CAMTA1: variants seen among roughly 807,000 people sequenced by gnomAD.
CAMTA1 encodes the protein calmodulin binding transcription activator 1, also known as calmodulin-binding transcription activator 1.
In CAMTA1, 27 loss-of-function variants were observed where a neutral mutation model predicts 170.9. The ratio of observed to expected loss-of-function variants is 0.16; its 90% CI spans 0.12 to 0.22. The LOEUF is 0.22. Ranked by LOEUF, CAMTA1 falls within the 10% of genes least tolerant of loss-of-function variation. The probability of loss-of-function intolerance (pLI) is 1.00; values close to 1 mark genes in which losing one functional copy is unlikely to be tolerated. For missense variants in CAMTA1, 1,619 were observed against 2,217.2 expected, an observed-to-expected ratio of 0.73 and a Z score of 5.42; for synonymous variants, 833 against 891.5, an observed-to-expected ratio of 0.93 and a Z score of 1.17.
intron 11 of CAMTA1, among the ~76,000 whole-genome samples, chr1:7,701,614 C>A (rs2096441271): frequency 6.6e-6 from 1 of 151,980 alleles, no homozygotes; most frequent in South Asian, 2.1e-4. Context: ...GAGAGGAGAT[C>A]TCACCATGTT....
intron 5 of CAMTA1, among the ~76,000 whole-genome samples, chr1:7,366,259 A>G (rs1407390733): frequency 6.6e-6 from 1 of 151,984 alleles, no homozygotes; most frequent in Admixed American, 6.5e-5. Flanking sequence ...TGCCAATCAC[A>G]CCCTGCTCAG....
At chr1:6,915,754 T>A (rs1480162098) in intron 3 of CAMTA1, among the ~76,000 whole-genome samples, 1 of 152,160 alleles carries the variant, frequency 6.6e-6, no homozygotes, top group Non-Finnish European at 1.5e-5. Context: ...ATGGAGTCAG[T>A]AGCATTCATG....
rs182448452 is a variant in CAMTA1, at chr1:6,841,886, T to C, written c.234+16676T>C. ...CGCCTGGGTCAGTGGACAGGATCCTTGTCAGCAGCCACTACAGGGCCCGCA... is the reference window on the plus strand; with the variant it reads ...CGCCTGGGTCAGTGGACAGGATCCTCGTCAGCAGCCACTACAGGGCCCGCA... On this transcript the variant is annotated intron_variant, in intron 3 of 22. Transcript: ENST00000303635. Among the ~76,000 whole-genome samples the C allele has an allele frequency of 1.4e-4, 22 of 152,326 alleles. No homozygotes were observed. In the East Asian group the frequency reaches 3.5e-3, roughly 24 times the overall value.
intron 3 of CAMTA1, among the ~76,000 whole-genome samples, chr1:7,000,255 C>A (rs143205153): frequency 4.6e-5 from 7 of 152,234 alleles, no homozygotes; most frequent in Admixed American, 3.3e-4. Flanking sequence ...CAGCCCCCTG[C>A]GTGGGGAGGA....
chr1:7,222,746 C>T (rs1661020900), intron 4 of CAMTA1, among the ~76,000 whole-genome samples: 1 of 152,260 alleles, frequency 6.6e-6, no homozygotes, highest in African/African-American at 2.4e-5. Context: ...GTCCCTGGGC[C>T]AGAGGATGCC....
intron 5 of CAMTA1, among the ~76,000 whole-genome samples, chr1:7,352,927 G>T (rs2084798227): frequency 1.3e-5 from 2 of 152,230 alleles, no homozygotes; most frequent in African/African-American, 4.8e-5. Flanking sequence ...GGCCTACGGT[G>T]CCTCCTCCTT....
intron 5 of CAMTA1, among the ~76,000 whole-genome samples, chr1:7,310,647 T>TCTTTCTTTCTTTCTTTCTTTTC (rs61161982): frequency 4.1e-5 from 2 of 49,148 alleles, no homozygotes; most frequent in African/African-American, 1.6e-4. Context: ...TTTCTTTCTT[T>TCTTTCTTTCTTTCTTTCTTTTC]TTTCTTTCTT....
At chr1:7,094,025 G>T (rs913226661) in intron 4 of CAMTA1, among the ~76,000 whole-genome samples, 6 of 152,220 alleles carry the variant, frequency 3.9e-5, no homozygotes, top group Admixed American at 2.0e-4. Context: ...CTGTGGGGCA[G>T]TCCCCAACCT....
intron 4 of CAMTA1, among the ~76,000 whole-genome samples, chr1:7,143,152 A>G (rs1645983860): frequency 6.6e-6 from 1 of 152,106 alleles, no homozygotes; most frequent in Non-Finnish European, 1.5e-5. Context: ...TGCAGCTCCC[A>G]TGGTGGAAGG....
At chr1:7,677,480 G>T (rs891868636) in intron 10 of CAMTA1, 119 bp from the exon 11 acceptor site, 15 of 1,154,280 alleles carry the variant, frequency 1.3e-5, no homozygotes, top group Non-Finnish European at 1.8e-5. Context: ...TACCATTAAG[G>T]AGAGCTGGAC....
Position 7,736,272 on chromosome 1 carries a change from C to T in CAMTA1, c.3067-72C>T. 3 of 1,248,504 alleles carry T rather than the reference C, an allele frequency of 2.4e-6. No individual in the cohort carries two copies. The South Asian group carries it at 3.9e-5, about 16-fold the overall frequency. 77.3% of individuals were successfully genotyped at this position (1,248,504 alleles called of 1,614,324 possible). On this transcript the variant is annotated intron_variant, in intron 12 of 22. Coordinates refer to ENST00000303635, the MANE Select transcript of CAMTA1 (RefSeq NM_015215.4). The surrounding 1 kb of genome is among the most constrained non-coding windows in gnomAD (Gnocchi z 4.5). ...TTTCTAATCGTAAAGCATTTGTTTC[C>T]CCTACATCGAAGCGCTGATGGGGTC...
intron 3 of CAMTA1, among the ~76,000 whole-genome samples, chr1:6,883,492 T>C (rs1326951395): frequency 6.6e-6 from 1 of 152,146 alleles, no homozygotes; most frequent in Non-Finnish European, 1.5e-5. Flanking sequence ...ATTAGGATTT[T>C]GCCAGGTGAG....
At chr1:7,240,546 G>A (rs1329800314) in intron 4 of CAMTA1, among the ~76,000 whole-genome samples, 4 of 149,734 alleles carry the variant, frequency 2.7e-5, no homozygotes, top group African/African-American at 7.4e-5. Context: ...AATTGAGATG[G>A]GGTCTCACTC....
chr1:7,408,503 T>C (rs962957842), intron 5 of CAMTA1, among the ~76,000 whole-genome samples: 121 of 152,286 alleles, frequency 7.9e-4, no homozygotes, highest in African/African-American at 2.9e-3. Context: ...CCTGAGCCGC[T>C]TGGCCACTTG....
intron 5 of CAMTA1, among the ~76,000 whole-genome samples, chr1:7,453,996 A>G (rs2092892331): frequency 6.6e-6 from 1 of 152,248 alleles, no homozygotes. Context: ...GGGAGACCTG[A>G]GCGGAACCAG....
chr1:7,606,121 G>C (rs190415802), intron 6 of CAMTA1, among the ~76,000 whole-genome samples: 138 of 152,356 alleles, frequency 9.1e-4, no homozygotes, highest in African/African-American at 3.3e-3. Flanking sequence ...AGACTGACCA[G>C]TGTAGTCGGT....
chr1:7,397,126 C>A (rs2149171980), intron 5 of CAMTA1, among the ~76,000 whole-genome samples: 1 of 152,222 alleles, frequency 6.6e-6, no homozygotes, highest in East Asian at 1.9e-4. Flanking sequence ...AGGTCCTGGA[C>A]TTTTCTTTGA....
rs1445436755 is a variant in CAMTA1, at chr1:7,410,426, C to T, written c.439-57404C>T. ...CCTCCCGCCTGTCGTCAGGAGCCCA[C>T]GTGGGTGCAGAGTGACACGTGGAGC... is the stretch of plus-strand genomic sequence containing the variant. On this transcript the variant is annotated intron_variant, in intron 5 of 22. Transcript: ENST00000303635. 4.6e-5 allele frequency among the ~76,000 whole-genome samples: 7 copies of T among 152,346 alleles called. No homozygotes were observed. The East Asian group carries it at 5.8e-4, about 13-fold the overall frequency.
intron 5 of CAMTA1, among the ~76,000 whole-genome samples, chr1:7,433,658 A>G (rs997710965): frequency 2.6e-5 from 4 of 152,186 alleles, no homozygotes; most frequent in Non-Finnish European, 5.9e-5. Context: ...AAGGCCACAT[A>G]CTGCACGGTT....
Sources: allele counts gnomAD v4.1 joint callset (sites outside exome capture counted in the v4.1 genomes callset), GRCh38; gene constraint gnomAD v4.1.1; non-coding constraint Gnocchi (gnomAD v3.1); transcripts MANE v1.5; gene names NCBI Gene and HGNC (gene_info 2026-07-23, HGNC 2026-07-21).